SERPINF2: variants seen among roughly 807,000 people sequenced by gnomAD.
SERPINF2 encodes the protein alpha-2-antiplasmin.
A neutral mutation model predicts 45.0 loss-of-function variants in SERPINF2; 15 were observed. The observed-to-expected ratio is 0.33, with a 90% CI of 0.22 to 0.51. SERPINF2 has a LOEUF of 0.51. SERPINF2 is among the 20% of genes least tolerant of loss of function. SERPINF2 has a pLI of 0.97. For missense variants in SERPINF2, 518 were observed against 637.4 expected, an observed-to-expected ratio of 0.81 and a Z score of 2.02; for synonymous variants, 283 against 277.9, an observed-to-expected ratio of 1.02 and a Z score of -0.18.
intron 8 of SERPINF2, 57 bp from the exon 9 acceptor site, chr17:1,752,529 C>A: frequency 1.9e-6 from 3 of 1,540,482 alleles, no homozygotes; most frequent in Non-Finnish European, 2.7e-6. Context: ...GCTGGCCCCA[C>A]CCCCACTTAG....
chr17:1,742,953 G>T, intron 1 of SERPINF2, 45 bp downstream of exon 1: 1 of 985,484 alleles, frequency 1.0e-6, no homozygotes, highest in South Asian at 4.7e-5. Context: ...GGTAGGAGAG[G>T]AGGAGGGAGC....
rs200462760 is a variant in SERPINF2 at position 1,745,890 on chromosome 17, G to A, written c.348G>A (p.Ala116=). ...TGTCACCCCTGAGTGTGGCCCTGGCGCTGTCTCACCTGGCACTAGGTACCC... is the reference window on the plus strand; with the variant it reads ...TGTCACCCCTGAGTGTGGCCCTGGCACTGTCTCACCTGGCACTAGGTACCC... ...LILSPLSVAL[A]LSHLALGAQN... Residue 116 remains alanine (A), a synonymous_variant, in exon 5 of 10, where the codon GCG becomes GCA. Transcript: ENST00000453066. This position sits in a 1 kb window ranked among gnomAD's most constrained non-coding sequence, Gnocchi z 6.2. 153 of 1,614,024 alleles carry A rather than the reference G, an allele frequency of 9.5e-5. No individual in the cohort carries two copies. Among genetic ancestry groups the A allele is most frequent in the Admixed American group, 2.3e-4 (14 of 60,026 alleles).
At position 1,754,204 on chromosome 17, in the gene SERPINF2, C is replaced by G. The variant is rs1317732977; in HGVS notation, c.1146C>G (p.Ser382=). Residue 382 remains serine (S), a synonymous_variant, in exon 10 of 10, where the codon TCC becomes TCG. Transcript: ENST00000453066. ...SLVVSGVQHQ[S]TLELSEVGVE... Reference sequence around the variant, plus strand: ...TGGTGTCCGGCGTGCAGCATCAGTCCACCCTGGAGCTCAGCGAGGTCGGCG... The same window carrying G: ...TGGTGTCCGGCGTGCAGCATCAGTCGACCCTGGAGCTCAGCGAGGTCGGCG... The G allele has an allele frequency of 6.2e-7, 1 of 1,613,462 alleles. No homozygotes were observed. Among genetic ancestry groups the G allele is most frequent in the African/African-American group, 1.3e-5 (1 of 74,940 alleles).
chr17:1,750,480 G>T (rs1439304944), intron 8 of SERPINF2, among the ~76,000 whole-genome samples: 1 of 151,846 alleles, frequency 6.6e-6, no homozygotes, highest in East Asian at 1.9e-4. Flanking sequence ...GTAGAGACAG[G>T]TTTCACCATG....
rs1906709478 is a variant in SERPINF2, at chr17:1,754,695, GC to G, written c.*162del. The G allele has an allele frequency of 2.2e-5, 7 of 316,608 alleles. No individual in the cohort carries two copies. The highest frequency in any genetic ancestry group is 5.8e-5 in the South Asian group (2 of 34,228). The allele number at this position is 316,608 out of a possible 1,614,324, so 19.6% of individuals were successfully genotyped here. On this transcript the variant is annotated 3_prime_UTR_variant, in exon 10 of 10. Coordinates refer to ENST00000453066, the MANE Select transcript of SERPINF2 (RefSeq NM_000934.4). ...TTGGGGAGTTTAGGGTGGGGGGGGG[GC>G]GCGGCTGGGAGGAGGGCAGGCATCG... is the stretch of plus-strand genomic sequence containing the variant.
chr17:1,745,433 T>C lies in SERPINF2; in HGVS notation c.165+38T>C. 1 of 1,340,830 alleles carries C rather than the reference T, an allele frequency of 7.5e-7. No homozygotes were observed. The allele number at this position is 1,340,830 out of a possible 1,614,324, so 83.1% of individuals were successfully genotyped here. ...GGGGCTGGGGAAGAGTGGGCGGGGC[T>C]AGAGGGAGGAGGGCCCATCGGCAGG... On this transcript the variant is annotated intron_variant, in intron 4 of 9. Coordinates refer to ENST00000453066, the MANE Select transcript of SERPINF2 (RefSeq NM_000934.4). The surrounding 1 kb of genome is among the most constrained non-coding windows in gnomAD (Gnocchi z 6.2).
At chr17:1,748,813 A>T (rs903560602) in intron 8 of SERPINF2, 73 bp downstream of exon 8, 3 of 845,864 alleles carry the variant, frequency 3.5e-6, no homozygotes, top group Non-Finnish European at 6.1e-6. Flanking sequence ...GCTGTGGAGC[A>T]GGCACAGGGA....
intron 1 of SERPINF2, chr17:1,744,740 C>T (rs1905636526): frequency 2.0e-6 from 2 of 985,390 alleles, no homozygotes; most frequent in Non-Finnish European, 2.4e-6. Context: ...CACCAAAACA[C>T]CCTCAGTGCA....
In SERPINF2 at chr17:1,754,553, T is replaced by A. The variant is rs746953947; in HGVS notation, c.*19T>A. 6.2e-7 allele frequency: 1 copy of A among 1,602,418 alleles called. No homozygotes were observed. Among genetic ancestry groups the A allele is most frequent in the Non-Finnish European group, 8.5e-7 (1 of 1,178,878 alleles). Reference sequence around the variant, plus strand: ...CAAGTGAGGGGCCGTGGCTGTGGCATCCAGAGTCCCTGCCTGGACCAGCCT... The same window carrying A: ...CAAGTGAGGGGCCGTGGCTGTGGCAACCAGAGTCCCTGCCTGGACCAGCCT... On this transcript the variant is annotated 3_prime_UTR_variant, in exon 10 of 10. Transcript: ENST00000453066.
intron 1 of SERPINF2, 67 bp from the exon 2 acceptor site, chr17:1,744,925 G>C (rs531196259): frequency 9.9e-6 from 16 of 1,609,750 alleles, no homozygotes; most frequent in East Asian, 2.2e-5. Flanking sequence ...CTGTGATCGC[G>C]TGGGTAGGAT....
chr17:1,744,862 T>G, intron 1 of SERPINF2, 130 bp from the exon 2 acceptor site: 1 of 1,556,686 alleles, frequency 6.4e-7, no homozygotes, highest in South Asian at 1.2e-5. Context: ...TCTGTTCTGA[T>G]TCTGGAGCCT....
In SERPINF2 at chr17:1,747,358, G is replaced by A; in HGVS notation, c.561G>A (p.Gly187=). The change falls in exon 7 of 10, where the codon GGG becomes GGA. Residue 187 remains glycine (G), a synonymous_variant. Transcript: ENST00000453066. Reference sequence around the variant, plus strand: ...TGGAACAATCCGAACAGCTATTTGGGGCAAAGCCCGTGAGCCTGACGGGAA... The same window carrying A: ...TGGAACAATCCGAACAGCTATTTGGAGCAAAGCCCGTGAGCCTGACGGGAA... ...DFLEQSEQLF[G]AKPVSLTGKQ... 6.2e-7 allele frequency: 1 copy of A among 1,614,128 alleles called. No individual in the cohort carries two copies. Among genetic ancestry groups the A allele is most frequent in the Non-Finnish European group, 8.5e-7 (1 of 1,180,030 alleles).
Position 1,745,002 on chromosome 17 carries a change from C to G in SERPINF2, c.7C>G (p.Leu3Val). The change falls in exon 2 of 10, where the codon CTG becomes GTG. Residue 3 changes from leucine to valine, a missense_variant. Physicochemically the swap from Leu to Val is conservative, Grantham distance 32. Transcript: ENST00000453066. This position sits in a 1 kb window ranked among gnomAD's most constrained non-coding sequence, Gnocchi z 6.2. The part of the protein sequence containing the change: MA[L>V]LWGLLVLSWS... Reference sequence around the variant, plus strand: ...CTGTCCCTGCCACAGGAACATGGCGCTGCTCTGGGGGCTCCTGGTGCTCAG... The same window carrying G: ...CTGTCCCTGCCACAGGAACATGGCGGTGCTCTGGGGGCTCCTGGTGCTCAG... The G allele has an allele frequency of 6.2e-7, 1 of 1,613,828 alleles. No homozygotes were observed. The highest frequency in any genetic ancestry group is 8.5e-7 in the Non-Finnish European group (1 of 1,180,010).
intron 1 of SERPINF2, 70 bp from the exon 2 acceptor site, chr17:1,744,922 C>G (rs914737056): frequency 1.9e-6 from 3 of 1,609,354 alleles, no homozygotes; most frequent in South Asian, 2.2e-5. Flanking sequence ...TATCTGTGAT[C>G]GCGTGGGTAG....
intron 9 of SERPINF2, 63 bp downstream of exon 9, chr17:1,752,853 C>A: frequency 6.9e-7 from 1 of 1,441,978 alleles, no homozygotes; most frequent in South Asian, 1.2e-5. Flanking sequence ...AAGGAGGAAG[C>A]GTCTGGCTGG....
intron 1 of SERPINF2, among the ~76,000 whole-genome samples, chr17:1,743,734 A>AG (rs1429596025): frequency 6.6e-6 from 1 of 151,028 alleles, no homozygotes; most frequent in East Asian, 2.0e-4. Context: ...AAAAAAAAAA[A>AG]AAAAAGACAG....
intron 7 of SERPINF2, 72 bp downstream of exon 7, chr17:1,747,584 G>A: frequency 6.6e-7 from 1 of 1,515,282 alleles, no homozygotes; most frequent in East Asian, 2.4e-5. Flanking sequence ...TTTGTTTTTT[G>A]AGACAAGTCT....
intron 8 of SERPINF2, among the ~76,000 whole-genome samples, chr17:1,749,530 G>A (rs1006265020): frequency 2.6e-5 from 4 of 152,204 alleles, no homozygotes; most frequent in Non-Finnish European, 5.9e-5. Context: ...CCCGGGAGAC[G>A]GAGGCTGCAG....
rs967334132 is a variant in SERPINF2, at chr17:1,747,638, C to T, written c.715+126C>T. 7.7e-6 allele frequency: 8 copies of T among 1,034,434 alleles called. No homozygotes were observed. The Admixed American group carries it at 8.0e-5, about 10-fold the overall frequency. The allele number at this position is 1,034,434 out of a possible 1,614,324, so 64.1% of individuals were successfully genotyped here. A position where few individuals can be genotyped will look rare whatever the true frequency, so the allele number is the denominator to read the frequency against. On this transcript the variant is annotated intron_variant, in intron 7 of 9. Coordinates refer to ENST00000453066, the MANE Select transcript of SERPINF2 (RefSeq NM_000934.4). ...GGAGCGCAGTGGCGCGATCTCGGCT[C>T]CCTGCAACCTCCGCCTCCCGGATTG... is the stretch of plus-strand genomic sequence containing the variant.
Sources: allele counts gnomAD v4.1 joint callset (sites outside exome capture counted in the v4.1 genomes callset), GRCh38; gene constraint gnomAD v4.1.1; non-coding constraint Gnocchi (gnomAD v3.1); transcripts MANE v1.5; gene names NCBI Gene and HGNC (gene_info 2026-07-23, HGNC 2026-07-21).